MAML1: variants seen among roughly 807,000 people sequenced by gnomAD.
MAML1 encodes mastermind-like protein 1.
In MAML1, 14 loss-of-function variants were observed where a neutral mutation model predicts 77.1. The ratio of observed to expected loss-of-function variants is 0.18; its 90% CI spans 0.12 to 0.28. The LOEUF is 0.28. Ranked by LOEUF, MAML1 falls within the 10% of genes least tolerant of loss-of-function variation. The probability of loss-of-function intolerance (pLI) is 1.00; values close to 1 mark genes in which losing one functional copy is unlikely to be tolerated. For missense variants in MAML1, 1,217 were observed against 1,327.8 expected (o/e 0.92, Z 1.30); for synonymous variants, 516 against 551.9 (o/e 0.93, Z 0.91).
chr5:179,768,752 A>G, intron 2 of MAML1, 98 bp from the exon 3 acceptor site: 1 of 1,448,898 alleles, frequency 6.9e-7, no homozygotes, highest in Non-Finnish European at 9.4e-7. Flanking sequence ...GGAAGCAGAG[A>G]CTTGGCTTCA....
At position 179,771,147 on chromosome 5, in the gene MAML1, G is replaced by A; in HGVS notation, c.1972G>A (p.Glu658Lys). The part of the protein sequence containing the change: ...QRQQHLLAEQ[E>K]KQQFQRHLTR... ...TTTTGTTGTTCTTGGCATTTTCTAG[G>A]AGAAGCAACAGTTTCAGCGCCATCT... Residue 658 changes from glutamate (E) to lysine (K), a missense_variant and splice_region_variant, in exon 4 of 5, where the codon GAG (glutamate) becomes AAG (lysine). Physicochemically the swap from Glu to Lys is moderately conservative, Grantham distance 56. Around this residue, in one of 3 missense-constraint regions of MAML1, gnomAD observed 884 missense variants for 949.3 expected, o/e 0.93. Coordinates refer to ENST00000292599, the MANE Select transcript of MAML1 (RefSeq NM_014757.5). This position sits in a 1 kb window ranked among gnomAD's most constrained non-coding sequence, Gnocchi z 4.7. 2.5e-6 allele frequency: 4 copies of A among 1,613,522 alleles called. No individual in the cohort carries two copies. Among genetic ancestry groups the A allele is most frequent in the Non-Finnish European group, 3.4e-6 (4 of 1,179,530 alleles).
At chr5:179,747,539 G>A (rs975908359) in intron 1 of MAML1, among the ~76,000 whole-genome samples, 1 of 152,188 alleles carries the variant, frequency 6.6e-6, no homozygotes, top group African/African-American at 2.4e-5. Flanking sequence ...GGCTGGGCAC[G>A]GTGGCTCATG....
At chr5:179,749,008 C>G (rs1271546563) in intron 1 of MAML1, among the ~76,000 whole-genome samples, 5 of 151,762 alleles carry the variant, frequency 3.3e-5, no homozygotes, top group Non-Finnish European at 7.4e-5. Context: ...CTCTGTCGCC[C>G]GGGCTGGAAT....
intron 1 of MAML1, 27 bp from the exon 2 acceptor site, chr5:179,765,299 T>C: frequency 6.4e-7 from 1 of 1,552,238 alleles, no homozygotes; most frequent in Non-Finnish European, 8.7e-7. Flanking sequence ...ATATGTATCT[T>C]AAGTCATTCT....
At chr5:179,735,042 A>G (rs1007491184) in intron 1 of MAML1, among the ~76,000 whole-genome samples, 2 of 152,062 alleles carry the variant, frequency 1.3e-5, no homozygotes, top group Non-Finnish European at 2.9e-5. Flanking sequence ...ATTTCGGGGG[A>G]AGGGATAGCA....
chr5:179,766,528 G>A lies in MAML1; in HGVS notation c.1518G>A (p.Gln506=), dbSNP rs761704667. 2 of 1,603,338 alleles carry A rather than the reference G, an allele frequency of 1.2e-6. No individual in the cohort carries two copies. Among genetic ancestry groups the A allele is most frequent in the Non-Finnish European group, 8.5e-7 (1 of 1,174,772 alleles). Residue 506 remains glutamine (Q), a synonymous_variant, in exon 2 of 5, where the codon CAG becomes CAA. Transcript: ENST00000292599. This position sits in a 1 kb window ranked among gnomAD's most constrained non-coding sequence, Gnocchi z 4.0. ...TGAATCAGAACTCCGCGAATAACCAGGGGTCTGTGCTGGACTACGGCAATA... is the reference window on the plus strand; with the variant it reads ...TGAATCAGAACTCCGCGAATAACCAAGGGTCTGTGCTGGACTACGGCAATA... The part of the protein sequence containing the change: ...SNLNQNSANN[Q]GSVLDYGNTK...
chr5:179,771,247 G>A lies in MAML1; in HGVS notation c.2068+4G>A. Reference sequence around the variant, plus strand: ...CAGCAGGTTGGACAGTTCACAGGTAGGGGGTGTCTGTGTGACGAGCAGGGA... The same window carrying A: ...CAGCAGGTTGGACAGTTCACAGGTAAGGGGTGTCTGTGTGACGAGCAGGGA... On this transcript the variant is annotated splice_donor_region_variant and intron_variant, in intron 4 of 4. Transcript: ENST00000292599. The surrounding 1 kb of genome is among the most constrained non-coding windows in gnomAD (Gnocchi z 4.7). 1.2e-6 allele frequency: 2 copies of A among 1,613,634 alleles called. No homozygotes were observed. The highest frequency in any genetic ancestry group is 1.7e-6 in the Non-Finnish European group (2 of 1,179,558).
intron 2 of MAML1, among the ~76,000 whole-genome samples, chr5:179,767,737 T>G (rs1779848519): frequency 1.3e-5 from 2 of 152,198 alleles, no homozygotes; most frequent in Non-Finnish European, 2.9e-5. Context: ...ACTTTGCAAC[T>G]TACGAAGCAC....
chr5:179,772,913 CAG>C (rs1456942019), intron 4 of MAML1, among the ~76,000 whole-genome samples: 2 of 152,198 alleles, frequency 1.3e-5, no homozygotes, highest in Non-Finnish European at 2.9e-5. Flanking sequence ...TTGTTTGAGA[CAG>C]AGTCTTGCTC....
intron 1 of MAML1, among the ~76,000 whole-genome samples, chr5:179,739,656 C>T (rs1779242286): frequency 6.6e-6 from 1 of 152,106 alleles, no homozygotes. Context: ...TGCACCTTAG[C>T]CCCTGGGTGA....
chr5:179,776,702 C>T lies in MAML1; in HGVS notation c.*1825C>T. The T allele has an allele frequency of 1.0e-6, 1 of 985,906 alleles. No homozygotes were observed. Among genetic ancestry groups the T allele is most frequent in the Non-Finnish European group, 1.2e-6 (1 of 830,010 alleles). 61.1% of individuals were successfully genotyped at this position (985,906 alleles called of 1,614,324 possible). ...TCTCCTGACCCCATCTGGCTGCTGC[C>T]CCGTCTCCCACCCCTGTCCCCGGGG... On this transcript the variant is annotated 3_prime_UTR_variant, in exon 5 of 5. Transcript: ENST00000292599.
intron 3 of MAML1, chr5:179,770,855 G>T (rs1755972568): frequency 6.7e-6 from 2 of 299,950 alleles, no homozygotes; most frequent in South Asian, 6.9e-5. Context: ...GTTATCATCT[G>T]ACTTTGATTC....
rs376571291 is a variant in MAML1 at position 179,747,794 on chromosome 5, G to T, written c.315+14367G>T. Among the ~76,000 whole-genome samples the T allele has an allele frequency of 4.2e-5, 4 of 94,914 alleles. No homozygotes were observed. The East Asian group carries it at 1.3e-3, about 32-fold the overall frequency. The allele number at this position is 94,914 out of a possible 152,430, so 62.3% of individuals were successfully genotyped here. A position where few individuals can be genotyped will look rare whatever the true frequency, so the allele number is the denominator to read the frequency against. On this transcript the variant is annotated intron_variant, in intron 1 of 4. Transcript: ENST00000292599. ...CCACTGCACTCCAGCCTGGGCGACA[G>T]CGAGACTCCATCTCAAAAAAAAAAA...
chr5:179,751,202 A>G (rs1581931656), intron 1 of MAML1, among the ~76,000 whole-genome samples: 2 of 151,496 alleles, frequency 1.3e-5, no homozygotes, highest in East Asian at 2.0e-4. Flanking sequence ...CAAACTCCTG[A>G]CCTCAGGTGA....
At chr5:179,753,908 G>A (rs1190228651) in intron 1 of MAML1, among the ~76,000 whole-genome samples, 1 of 151,790 alleles carries the variant, frequency 6.6e-6, no homozygotes, top group Non-Finnish European at 1.5e-5. Flanking sequence ...CCGACCTCAA[G>A]TGATCCACCC....
chr5:179,734,388 A>G (rs1779126675), intron 1 of MAML1, among the ~76,000 whole-genome samples: 2 of 152,278 alleles, frequency 1.3e-5, no homozygotes, highest in Admixed American at 1.3e-4. Context: ...CTTGCTTGAA[A>G]GGATGAAGTT....
At chr5:179,733,784 A>G (rs1027770894) in intron 1 of MAML1, among the ~76,000 whole-genome samples, 6 of 152,210 alleles carry the variant, frequency 3.9e-5, no homozygotes, top group African/African-American at 1.4e-4. Context: ...CCTGCACCGT[A>G]GGCCTGGCCT....
intron 1 of MAML1, among the ~76,000 whole-genome samples, chr5:179,754,995 AGAGTT>A (rs1415771115): frequency 6.6e-6 from 1 of 152,182 alleles, no homozygotes; most frequent in African/African-American, 2.4e-5. Flanking sequence ...GAGAAAGAAA[AGAGTT>A]GATAAGACGC....
chr5:179,772,310 G>A (rs1042091841), intron 4 of MAML1, among the ~76,000 whole-genome samples: 2 of 152,100 alleles, frequency 1.3e-5, no homozygotes, highest in African/African-American at 2.4e-5. Flanking sequence ...GTAGAGATGG[G>A]CTTTCACCAT....
Sources: gnomAD v4.1 joint callset for allele counts (sites outside exome capture counted in the v4.1 genomes callset) on GRCh38, gnomAD v4.1.1 for gene constraint, gnomAD v4.1.1 regional missense constraint, Gnocchi (gnomAD v3.1) non-coding constraint, MANE v1.5 for transcripts, NCBI Gene and HGNC (gene_info 2026-07-23, HGNC 2026-07-21) for gene names.